GALNT1: variants seen among roughly 807,000 people sequenced by gnomAD.
GALNT1 encodes the protein GalNAc transferase 1.
In GALNT1, 17 loss-of-function variants were observed where a neutral mutation model predicts 65.7. The ratio of observed to expected loss-of-function variants is 0.26; its 90% CI spans 0.18 to 0.39. The LOEUF (loss-of-function observed/expected upper bound fraction) is 0.39. GALNT1 is among the 10% of genes least tolerant of loss of function. The probability of loss-of-function intolerance (pLI) is 1.00; values close to 1 mark genes in which losing one functional copy is unlikely to be tolerated. For missense variants in GALNT1, 460 were observed against 672.8 expected (o/e 0.68, Z 3.50); for synonymous variants, 210 against 219.7 (o/e 0.96, Z 0.39).
chr18:35,635,107 T>C lies in GALNT1; in HGVS notation c.-103-19453T>C, dbSNP rs535403285. Among the ~76,000 whole-genome samples the C allele has an allele frequency of 4.1e-4, 62 of 152,278 alleles. 3 individuals are homozygous for C. In the South Asian group the frequency reaches 0.012, roughly 31 times the overall value. On this transcript the variant is annotated intron_variant, in intron 1 of 11. Coordinates refer to ENST00000269195, the MANE Select transcript of GALNT1 (RefSeq NM_020474.4). ...AAGCTGTACTCATGGCTCAAGTTTA[T>C]TACAGCAAAGGATACAATGCAGGAA...
intron 2 of GALNT1, among the ~76,000 whole-genome samples, chr18:35,659,681 A>G (rs901212897): frequency 6.6e-6 from 1 of 152,206 alleles, no homozygotes; most frequent in African/African-American, 2.4e-5. Context: ...TAAAATATTA[A>G]TGATTTAACT....
At chr18:35,631,597 A>T (rs1357460992) in intron 1 of GALNT1, among the ~76,000 whole-genome samples, 1 of 152,206 alleles carries the variant, frequency 6.6e-6, no homozygotes, top group Admixed American at 6.5e-5. Context: ...CACAGCCAAT[A>T]TCATACTGAA....
chr18:35,651,519 G>T (rs995892667), intron 1 of GALNT1, among the ~76,000 whole-genome samples: 8 of 152,204 alleles, frequency 5.3e-5, no homozygotes, highest in African/African-American at 1.9e-4. Context: ...TTACTTTGGG[G>T]TTTGATGTCC....
intron 1 of GALNT1, among the ~76,000 whole-genome samples, chr18:35,646,832 A>G (rs2047237741): frequency 1.3e-5 from 2 of 152,156 alleles, no homozygotes; most frequent in South Asian, 2.1e-4. Flanking sequence ...AGCCCTGTGT[A>G]TATCCAAGCA....
chr18:35,666,652 A>G (rs1379886462), intron 3 of GALNT1, among the ~76,000 whole-genome samples: 1 of 152,210 alleles, frequency 6.6e-6, no homozygotes, highest in African/African-American at 2.4e-5. Context: ...TTTATTAATG[A>G]GTGCCTTTTA....
intron 1 of GALNT1, among the ~76,000 whole-genome samples, chr18:35,593,380 T>C (rs2143884230): frequency 6.6e-6 from 1 of 152,054 alleles, no homozygotes; most frequent in East Asian, 1.9e-4. Context: ...TGACAGCAAA[T>C]GTAGACCATT....
chr18:35,684,458 G>T (rs2047835887), intron 5 of GALNT1, among the ~76,000 whole-genome samples: 1 of 152,262 alleles, frequency 6.6e-6, no homozygotes, highest in African/African-American at 2.4e-5. Flanking sequence ...CAAAAGAATA[G>T]GATATCTGTA....
intron 1 of GALNT1, among the ~76,000 whole-genome samples, chr18:35,582,236 GA>G (rs1234777931): frequency 6.6e-6 from 1 of 152,174 alleles, no homozygotes; most frequent in Admixed American, 6.5e-5. Context: ...CGCCACGGGG[GA>G]GGGGAAGACA....
intron 2 of GALNT1, among the ~76,000 whole-genome samples, chr18:35,661,225 GC>G (rs549722330): frequency 6.6e-6 from 1 of 152,166 alleles, no homozygotes; most frequent in African/African-American, 2.4e-5. Flanking sequence ...ATGGCTGGGA[GC>G]GGTGGCTCAC....
intron 1 of GALNT1, among the ~76,000 whole-genome samples, chr18:35,639,604 A>T (rs1374769387): frequency 6.6e-6 from 1 of 152,184 alleles, no homozygotes; most frequent in Non-Finnish European, 1.5e-5. Flanking sequence ...TATAGTAGAC[A>T]TAAAAGTTAG....
chr18:35,624,913 G>A (rs1024036816), intron 1 of GALNT1, among the ~76,000 whole-genome samples: 1 of 152,046 alleles, frequency 6.6e-6, no homozygotes, highest in Non-Finnish European at 1.5e-5. Context: ...GCCAAGTACT[G>A]TTCCAGATGA....
chr18:35,606,748 A>G (rs943084679), intron 1 of GALNT1, among the ~76,000 whole-genome samples: 16 of 151,962 alleles, frequency 1.1e-4, no homozygotes, highest in Admixed American at 1.0e-3. Flanking sequence ...TGACATGGGT[A>G]AAATGCCAGG....
chr18:35,641,649 C>T lies in GALNT1; in HGVS notation c.-103-12911C>T, dbSNP rs146436262. Among the ~76,000 whole-genome samples, 691 of 152,290 alleles carry T rather than the reference C, an allele frequency of 4.5e-3. 4 individuals are homozygous for T. Among genetic ancestry groups the T allele is most frequent in the Non-Finnish European group, 7.3e-3 (494 of 68,010 alleles). ...TAAAACTATATTAAGATACCAATTA[C>T]ATCAGATTGTCAAAAATAAAAATGT... is the stretch of plus-strand genomic sequence containing the variant. On this transcript the variant is annotated intron_variant, in intron 1 of 11. Coordinates refer to ENST00000269195, the MANE Select transcript of GALNT1 (RefSeq NM_020474.4).
chr18:35,596,604 A>G (rs979931384), intron 1 of GALNT1: 4 of 152,118 alleles, frequency 2.6e-5, no homozygotes, highest in African/African-American at 9.7e-5. Flanking sequence ...ATTTTTTTAC[A>G]GAACTCTTTG....
At chr18:35,676,045 T>G (rs1457878242) in intron 3 of GALNT1, among the ~76,000 whole-genome samples, 2 of 152,220 alleles carry the variant, frequency 1.3e-5, no homozygotes, top group African/African-American at 2.4e-5. Context: ...TTATTAGGAC[T>G]GCTGAGGACA....
chr18:35,612,991 G>A (rs890326896), intron 1 of GALNT1, among the ~76,000 whole-genome samples: 2 of 152,124 alleles, frequency 1.3e-5, no homozygotes, highest in Non-Finnish European at 1.5e-5. Context: ...AGGGAAGTAA[G>A]AAATGTTTTA....
intron 1 of GALNT1, among the ~76,000 whole-genome samples, chr18:35,608,447 C>T (rs1230764447): frequency 6.6e-6 from 1 of 152,188 alleles, no homozygotes; most frequent in Non-Finnish European, 1.5e-5. Flanking sequence ...CTTGAGGCCA[C>T]CTCTGTGCCT....
chr18:35,618,029 G>T, intron 1 of GALNT1, among the ~76,000 whole-genome samples: 1 of 147,830 alleles, frequency 6.8e-6, no homozygotes. Flanking sequence ...AGACTGCTTT[G>T]CTGTTCTTTT....
At chr18:35,608,308 C>T (rs1020658645) in intron 1 of GALNT1, among the ~76,000 whole-genome samples, 2 of 152,066 alleles carry the variant, frequency 1.3e-5, no homozygotes, top group Non-Finnish European at 2.9e-5. Flanking sequence ...TTTTACTTTG[C>T]ATGCTTATTA....
Sources: allele counts gnomAD v4.1 joint callset (sites outside exome capture counted in the v4.1 genomes callset), GRCh38; gene constraint gnomAD v4.1.1; transcripts MANE v1.5; gene names NCBI Gene and HGNC (gene_info 2026-07-23, HGNC 2026-07-21).